The following NRG1 variants were observed in gnomAD, a reference collection of about 807,000 sequenced individuals.
The protein encoded by NRG1 is pro-neuregulin-1, membrane-bound isoform.
In NRG1, 18 loss-of-function variants were observed where a neutral mutation model predicts 63.8. That is an observed-to-expected ratio of 0.28 (90% CI 0.19 to 0.42). NRG1 has a LOEUF of 0.42. Ranked by LOEUF, NRG1 falls within the 10% of genes least tolerant of loss-of-function variation. NRG1 has a pLI of 1.00. For missense variants in NRG1, 762 were observed against 814.7 expected, an observed-to-expected ratio of 0.94 and a Z score of 0.79; for synonymous variants, 302 against 301.3, an observed-to-expected ratio of 1.00 and a Z score of -0.02.
chr8:32,710,109 TGACA>T (rs1817438974), intron 5 of NRG1, among the ~76,000 whole-genome samples: 1 of 152,206 alleles, frequency 6.6e-6, no homozygotes, highest in Admixed American at 6.5e-5. Flanking sequence ...TTAAATTACT[TGACA>T]GTCAGGAATT....
At chr8:32,450,422 GA>G (rs966706152) in intron 1 of NRG1, among the ~76,000 whole-genome samples, 16 of 148,154 alleles carry the variant, frequency 1.1e-4, no homozygotes, top group African/African-American at 2.7e-4. Context: ...TTCTAAAAAA[GA>G]AAAAAAAAAT....
At chr8:32,434,252 T>G (rs1013829261) in intron 1 of NRG1, among the ~76,000 whole-genome samples, 2 of 151,884 alleles carry the variant, frequency 1.3e-5, no homozygotes, top group Non-Finnish European at 2.9e-5. Context: ...ATTGAAAAAC[T>G]TCCATGAATT....
At chr8:31,650,299 C>T (rs78572539) in intron 1 of NRG1, among the ~76,000 whole-genome samples, 1,561 of 152,232 alleles carry the variant, frequency 0.01, 14 homozygotes, top group Non-Finnish European at 0.014. Context: ...TTTTCTTAGG[C>T]CTTGTTCCCT....
rs369572679 is a variant in NRG1, at chr8:32,731,305, G to A, written c.632+3227G>A. On this transcript the variant is annotated intron_variant, in intron 6 of 11. Transcript: ENST00000356819. ...TGCTATATTTTAAAAATCTTGAAGT[G>A]AAACATTTGTTACTCTTCTGATAAT... is the stretch of plus-strand genomic sequence containing the variant. 2.4e-4 allele frequency among the ~76,000 whole-genome samples: 36 copies of A among 152,156 alleles called. 2 individuals are homozygous for A. Among genetic ancestry groups the A allele is most frequent in the East Asian group, 1.7e-3 (9 of 5,174 alleles).
At chr8:32,287,229 T>C (rs1475276975) in intron 1 of NRG1, 1 of 152,198 alleles carries the variant, frequency 6.6e-6, no homozygotes, top group African/African-American at 2.4e-5. Flanking sequence ...GAAACCAGCA[T>C]AGCTTCTTGA....
rs971773166 is a variant in NRG1, at chr8:32,133,943, C to CT, written c.38-461877dup. Among the ~76,000 whole-genome samples the CT allele has an allele frequency of 5.9e-5, 9 of 152,010 alleles. No homozygotes were observed. The South Asian group carries it at 1.9e-3, about 32-fold the overall frequency. On this transcript the variant is annotated intron_variant, in intron 1 of 10. Transcript: ENST00000519301. ...AATTTAAGTGATTATTTTTCAGCCA[C>CT]TTTTTTTTGGAAAACATATATTAGC...
At chr8:32,483,981 C>A (rs577952088) in intron 1 of NRG1, among the ~76,000 whole-genome samples, 72 of 151,970 alleles carry the variant, frequency 4.7e-4, no homozygotes, top group African/African-American at 1.5e-3. Context: ...CAGGCGCCTG[C>A]AGTCCCAGCT....
At chr8:31,872,456 T>C (rs778998369) in intron 1 of NRG1, among the ~76,000 whole-genome samples, 5 of 152,184 alleles carry the variant, frequency 3.3e-5, no homozygotes, top group Non-Finnish European at 7.3e-5. Flanking sequence ...CCAGAATAAA[T>C]AAAAGTTTTT....
At position 31,878,373 on chromosome 8, in the gene NRG1, A is replaced by C. The variant is rs535069016; in HGVS notation, c.37+238942A>C. Among the ~76,000 whole-genome samples, 77 of 152,278 alleles carry C rather than the reference A, an allele frequency of 5.1e-4. 1 individual carries two copies. The highest frequency in any genetic ancestry group is 1.6e-3 in the African/African-American group (67 of 41,572). The stretch of plus-strand genomic sequence containing the variant: ...CAAATCATAGATGATGTAACTTATT[A>C]TGTCTATGATAATGAAAGAGGCATT... On this transcript the variant is annotated intron_variant, in intron 1 of 10. Transcript: ENST00000519301.
At chr8:31,905,283 A>G (rs959016595) in intron 1 of NRG1, among the ~76,000 whole-genome samples, 10 of 152,122 alleles carry the variant, frequency 6.6e-5, no homozygotes, top group Non-Finnish European at 1.3e-4. Context: ...TAATATTAAA[A>G]CCAAATAATT....
chr8:31,835,600 C>T (rs939318681), intron 1 of NRG1, among the ~76,000 whole-genome samples: 1 of 152,128 alleles, frequency 6.6e-6, no homozygotes, highest in South Asian at 2.1e-4. Context: ...AATCACCGGG[C>T]CTAGTTTGTG....
intron 7 of NRG1, among the ~76,000 whole-genome samples, chr8:32,744,588 C>T (rs1397180428): frequency 6.6e-6 from 1 of 152,080 alleles, no homozygotes; most frequent in Non-Finnish European, 1.5e-5. Flanking sequence ...AACATAGACT[C>T]AGCAAATCCA....
intron 5 of NRG1, among the ~76,000 whole-genome samples, chr8:32,633,162 A>G (rs955735906): frequency 6.6e-6 from 1 of 152,238 alleles, no homozygotes; most frequent in Non-Finnish European, 1.5e-5. Context: ...TATCACCAGT[A>G]AATAAGAAGG....
At chr8:31,996,045 TTTC>T (rs1294817394) in intron 1 of NRG1, among the ~76,000 whole-genome samples, 1 of 151,768 alleles carries the variant, frequency 6.6e-6, no homozygotes, top group Admixed American at 6.6e-5. Context: ...ACGGTGCCCA[TTTC>T]TTCTTCATCT....
At chr8:31,954,668 T>C (rs1804068758) in intron 1 of NRG1, among the ~76,000 whole-genome samples, 1 of 152,196 alleles carries the variant, frequency 6.6e-6, no homozygotes, top group South Asian at 2.1e-4. Context: ...CCCACATAGA[T>C]TTATGCAGTT....
At chr8:32,485,928 T>C (rs1825839314) in intron 1 of NRG1, among the ~76,000 whole-genome samples, 1 of 152,186 alleles carries the variant, frequency 6.6e-6, no homozygotes. Context: ...TTTCTTTCTT[T>C]TTTTTCTTTT....
At chr8:32,344,375 TTTCTTTC>T (rs1214567418) in intron 1 of NRG1, among the ~76,000 whole-genome samples, 3 of 131,262 alleles carry the variant, frequency 2.3e-5, no homozygotes, top group Non-Finnish European at 4.8e-5. Flanking sequence ...TCTTTCTTTC[TTTCTTTC>T]TCTTTCTTTC....
chr8:32,501,965 A>C (rs920110552), intron 1 of NRG1, among the ~76,000 whole-genome samples: 2 of 152,214 alleles, frequency 1.3e-5, no homozygotes, highest in African/African-American at 4.8e-5. Context: ...TGTCTCTCTA[A>C]GAACAAAAAA....
chr8:32,576,119 ATTTG>A (rs1052036392), intron 1 of NRG1, among the ~76,000 whole-genome samples: 2 of 152,166 alleles, frequency 1.3e-5, no homozygotes, highest in Non-Finnish European at 2.9e-5. Context: ...CTCACATACC[ATTTG>A]TTTGTGGTGA....
Sources: gnomAD v4.1 joint callset for allele counts (sites outside exome capture counted in the v4.1 genomes callset) on GRCh38, gnomAD v4.1.1 for gene constraint, MANE v1.5 for transcripts, NCBI Gene and HGNC (gene_info 2026-07-23, HGNC 2026-07-21) for gene names.